The following AVEN variants were observed in gnomAD, a reference collection of about 807,000 sequenced individuals.
AVEN encodes cell death regulator Aven.
Under a neutral mutation model 38.1 loss-of-function variants are expected in AVEN, and 41 were observed. That is an observed-to-expected ratio of 1.08 (90% CI 0.84 to 1.40). The LOEUF is 1.40. AVEN is among the 40% of genes most tolerant of loss of function. AVEN has a pLI of 0.00. For synonymous variants in AVEN, 206 were observed against 171.8 expected, an observed-to-expected ratio of 1.20 and a Z score of -1.56; for missense variants, 605 against 438.8, an observed-to-expected ratio of 1.38 and a Z score of -3.38.
downstream of AVEN, among the ~76,000 whole-genome samples, chr15:33,864,428 G>A (rs988220900): frequency 1.4e-4 from 22 of 152,112 alleles, no homozygotes; most frequent in African/African-American, 5.3e-4. Flanking sequence ...GCTGGAGGTG[G>A]GGAGAACATT....
At chr15:34,009,097 T>C (rs1326202800) in intron 1 of AVEN, among the ~76,000 whole-genome samples, 1 of 151,862 alleles carries the variant, frequency 6.6e-6, no homozygotes, top group Non-Finnish European at 1.5e-5. Flanking sequence ...GGCAATAATA[T>C]AACATATTCA....
chr15:33,867,750 G>C lies in AVEN; in HGVS notation c.718C>G (p.Pro240Ala). ...GCCACAGATTTCAGCTCAAAGATGG[G>C]CCCCCTTCCTCCAGGCCCCAAGGGC... ...KGPLGPGGRGPIFELKSVAAG... is the reference protein window; with the variant it reads ...KGPLGPGGRGAIFELKSVAAG... Residue 240 changes from proline to alanine, a missense_variant, in exon 5 of 6, where the codon CCC becomes GCC. By Grantham distance (27) the Pro-to-Ala change is conservative. Coordinates refer to ENST00000306730, the MANE Select transcript of AVEN (RefSeq NM_020371.3). 1 of 1,614,118 alleles carries C rather than the reference G, an allele frequency of 6.2e-7. No individual in the cohort carries two copies. Among genetic ancestry groups the C allele is most frequent in the South Asian group, 1.1e-5 (1 of 91,068 alleles).
chr15:33,965,600 C>T (rs2632095), intron 2 of AVEN, among the ~76,000 whole-genome samples: 129,964 of 152,144 alleles, frequency 0.85, 58,178 homozygotes, highest in Non-Finnish European at 0.98. Context: ...TCTGTGATGC[C>T]TCTGAAGTTG....
At chr15:34,024,375 C>T (rs1354632579) in intron 1 of AVEN, among the ~76,000 whole-genome samples, 3 of 150,460 alleles carry the variant, frequency 2.0e-5, no homozygotes, top group African/African-American at 4.9e-5. Flanking sequence ...GAAGGCTGGG[C>T]GTGGTGGCTT....
At chr15:33,930,221 G>C (rs1893788621) in intron 2 of AVEN, among the ~76,000 whole-genome samples, 1 of 152,070 alleles carries the variant, frequency 6.6e-6, no homozygotes, top group Non-Finnish European at 1.5e-5. Flanking sequence ...CTAAGAGTGA[G>C]CAGAACCATG....
intron 2 of AVEN, among the ~76,000 whole-genome samples, chr15:33,939,114 T>C (rs571482368): frequency 3.5e-4 from 54 of 152,332 alleles, no homozygotes; most frequent in African/African-American, 1.2e-3. Context: ...GTGCTGGGAT[T>C]ACAGGCATGA....
chr15:34,008,945 T>TGCGC lies in AVEN; in HGVS notation c.268-5740_268-5737dup, dbSNP rs71119911. Reference sequence around the variant, plus strand: ...TAAAATTAAAACACACACTCACACGTGCGCGCGCGCACACACACACACACA... The same window carrying TGCGC: ...TAAAATTAAAACACACACTCACACGTGCGCGCGCGCGCGCACACACACACACACA... On this transcript the variant is annotated intron_variant, in intron 1 of 5. Transcript: ENST00000306730. Among the ~76,000 whole-genome samples, 16 of 149,028 alleles carry TGCGC rather than the reference T, an allele frequency of 1.1e-4. No homozygotes were observed. The East Asian group carries it at 1.4e-3, about 13-fold the overall frequency.
chr15:34,073,474 C>T (rs1025224032), intron 1 of AVEN, among the ~76,000 whole-genome samples: 1 of 150,334 alleles, frequency 6.7e-6, no homozygotes, highest in Non-Finnish European at 1.5e-5. Flanking sequence ...AATCATAAGG[C>T]TTCGAGTAAC....
intron 2 of AVEN, among the ~76,000 whole-genome samples, chr15:33,884,227 T>G (rs566152228): frequency 7.2e-5 from 11 of 152,292 alleles, no homozygotes; most frequent in African/African-American, 2.6e-4. Context: ...CTTGGCTATC[T>G]TGAGTTCCCC....
chr15:34,051,304 G>GC (rs34958240), intron 5 of AVEN, among the ~76,000 whole-genome samples: 2 of 151,970 alleles, frequency 1.3e-5, no homozygotes, highest in African/African-American at 4.8e-5. Flanking sequence ...CTGAAACAAA[G>GC]GACAAAGTAC....
chr15:34,005,923 T>C (rs1897318284), intron 1 of AVEN, among the ~76,000 whole-genome samples: 1 of 152,184 alleles, frequency 6.6e-6, no homozygotes, highest in Non-Finnish European at 1.5e-5. Context: ...AACTAGAGCA[T>C]TCCTGCAAGT....
At chr15:33,957,673 A>AT (rs1395247099) in intron 2 of AVEN, among the ~76,000 whole-genome samples, 2 of 152,102 alleles carry the variant, frequency 1.3e-5, no homozygotes, top group African/African-American at 4.8e-5. Flanking sequence ...GTAAAAAGGA[A>AT]TAAACCCCAT....
chr15:34,048,442 G>C (rs151217757), intron 5 of AVEN, among the ~76,000 whole-genome samples: 1 of 150,754 alleles, frequency 6.6e-6, no homozygotes, highest in South Asian at 2.1e-4. Context: ...TCATGGCCAG[G>C]CTGCTTCTTT....
chr15:34,054,686 G>A (rs1201572914), intron 5 of AVEN, among the ~76,000 whole-genome samples: 1 of 152,138 alleles, frequency 6.6e-6, no homozygotes, highest in Non-Finnish European at 1.5e-5. Context: ...GCCTGTGGGG[G>A]TGAGGGTAGG....
chr15:34,062,873 G>A (rs137922280), intron 5 of AVEN: 4 of 1,614,062 alleles, frequency 2.5e-6, no homozygotes, highest in Admixed American at 1.7e-5. Context: ...TCTTGGTCAT[G>A]ATCTCCTTCA....
At position 34,038,890 on chromosome 15, in the gene AVEN, G is replaced by C; in HGVS notation, c.157C>G (p.Arg53Gly). ...CCGCGGAAGCCCCGGCCACGGCCAC[G>C]GCCCCGGCGTCCGCCTCCGTCCCCG... ...GGGDGGGRRG[R>G]GRGRGFRGAR... is the part of the protein sequence containing the mutation. The change falls in exon 1 of 6, where the codon CGT becomes GGT. Residue 53 changes from arginine to glycine, a missense_variant. Physicochemically the swap from Arg to Gly is moderately radical, Grantham distance 125. Transcript: ENST00000306730. 10 of 1,134,668 alleles carry C rather than the reference G, an allele frequency of 8.8e-6. No homozygotes were observed. Among genetic ancestry groups the C allele is most frequent in the Non-Finnish European group, 1.1e-5 (10 of 930,592 alleles). The allele number at this position is 1,134,668 out of a possible 1,614,324, so 70.3% of individuals were successfully genotyped here.
chr15:33,945,647 G>T (rs1015126515), intron 2 of AVEN, among the ~76,000 whole-genome samples: 1 of 151,948 alleles, frequency 6.6e-6, no homozygotes, highest in African/African-American at 2.4e-5. Flanking sequence ...GTGCAGTCGC[G>T]CAATCTCAGC....
chr15:34,020,803 T>G (rs1246715605), intron 1 of AVEN, among the ~76,000 whole-genome samples: 1 of 152,260 alleles, frequency 6.6e-6, no homozygotes, highest in Non-Finnish European at 1.5e-5. Flanking sequence ...ACTTTTTACT[T>G]GTTTTTATAA....
chr15:33,887,693 A>G (rs1022867569), intron 2 of AVEN, among the ~76,000 whole-genome samples: 3 of 152,178 alleles, frequency 2.0e-5, no homozygotes, highest in African/African-American at 7.2e-5. Flanking sequence ...AAGAAACTTA[A>G]AGGAAATCTG....
Sources: gnomAD v4.1 joint callset for allele counts (sites outside exome capture counted in the v4.1 genomes callset) on GRCh38, gnomAD v4.1.1 for gene constraint, MANE v1.5 for transcripts, NCBI Gene and HGNC (gene_info 2026-07-23, HGNC 2026-07-21) for gene names.